The following SIK3 variants were observed in gnomAD, a reference collection of about 807,000 sequenced individuals.
The protein encoded by SIK3 is SIK family kinase 3, also known as serine/threonine-protein kinase SIK3.
Under a neutral mutation model 144.2 loss-of-function variants are expected in SIK3, and 28 were observed. The observed-to-expected ratio is 0.19, with a 90% CI of 0.14 to 0.27. The LOEUF (loss-of-function observed/expected upper bound fraction) is 0.27, where lower values mean the gene tolerates loss of function less well. Ranked by LOEUF, SIK3 falls within the 10% of genes least tolerant of loss-of-function variation. The pLI, the probability that SIK3 is intolerant of heterozygous loss-of-function variation, is 1.00. For synonymous variants in SIK3, 686 were observed against 676.3 expected (o/e 1.01, Z -0.22); for missense variants, 1,319 against 1,776.0 (o/e 0.74, Z 4.62).
chr11:116,863,041 T>C (rs1246575474), intron 16 of SIK3, among the ~76,000 whole-genome samples: 2 of 149,130 alleles, frequency 1.3e-5, no homozygotes, highest in African/African-American at 2.5e-5. Context: ...GCCACTGCAC[T>C]CCAGCCTGGG....
At chr11:116,989,395 A>G (rs966409909) in intron 1 of SIK3, among the ~76,000 whole-genome samples, 2 of 152,190 alleles carry the variant, frequency 1.3e-5, no homozygotes, top group African/African-American at 4.8e-5. Flanking sequence ...CAACCTTGCA[A>G]TTTAGTACTC....
At chr11:116,895,379 CCTT>C (rs556924283) in intron 6 of SIK3, among the ~76,000 whole-genome samples, 91 of 152,286 alleles carry the variant, frequency 6.0e-4, no homozygotes, top group African/African-American at 2.1e-3. Context: ...TATCCTAACT[CCTT>C]CTCTATTTTA....
chr11:117,041,066 G>A (rs372693320), intron 1 of SIK3, among the ~76,000 whole-genome samples: 8 of 147,970 alleles, frequency 5.4e-5, no homozygotes, highest in East Asian at 3.9e-4. Context: ...CCAGAATATC[G>A]TATTTTAAAA....
Position 116,879,390 on chromosome 11 carries a change from C to T in SIK3, c.866-2348G>A, listed in dbSNP as rs1466206921. Among the ~76,000 whole-genome samples the T allele has an allele frequency of 3.3e-5, 5 of 152,236 alleles. No homozygotes were observed. The East Asian group carries it at 9.6e-4, about 29-fold the overall frequency. On this transcript the variant is annotated intron_variant, in intron 6 of 24. Transcript: ENST00000445177. ...CTTAACTTAGAGACTATAATTAGCT[C>T]CACTTATAAATGAAGAAGAAACAAG...
chr11:117,013,904 G>GTA (rs1565556551), intron 1 of SIK3, among the ~76,000 whole-genome samples: 1 of 62,410 alleles, frequency 1.6e-5, no homozygotes, highest in African/African-American at 5.5e-5. Context: ...TTCTGAGGGG[G>GTA]GGGGGGGGAG....
In SIK3 at chr11:116,996,897, C is replaced by T. The variant is rs540788408; in HGVS notation, c.274-39833G>A. On this transcript the variant is annotated intron_variant, in intron 1 of 24. Coordinates refer to ENST00000445177, the MANE Select transcript of SIK3 (RefSeq NM_001366686.3). ...TTATAAAAAGAATAAACAATAGATG[C>T]TATCTAGCTATTCTCAATTAAGTTG... Among the ~76,000 whole-genome samples, 4 of 147,970 alleles carry T rather than the reference C, an allele frequency of 2.7e-5. No individual in the cohort carries two copies. In the South Asian group the frequency reaches 8.9e-4, roughly 33 times the overall value.
intron 1 of SIK3, among the ~76,000 whole-genome samples, chr11:117,064,394 C>G (rs766075411): frequency 6.6e-6 from 1 of 152,114 alleles, no homozygotes; most frequent in African/African-American, 2.4e-5. Flanking sequence ...ACTCCTTTTT[C>G]TTTATTCTTT....
At position 116,919,951 on chromosome 11, in the gene SIK3, T is replaced by C. The variant is rs80201178; in HGVS notation, c.616+7268A>G. Among the ~76,000 whole-genome samples the C allele has an allele frequency of 4.6e-5, 7 of 152,326 alleles. No homozygotes were observed. In the East Asian group the frequency reaches 1.3e-3, roughly 29 times the overall value. On this transcript the variant is annotated intron_variant, in intron 4 of 24. Coordinates refer to ENST00000445177, the MANE Select transcript of SIK3 (RefSeq NM_001366686.3). ...ATCACCCTCATGCGGGATTTTACCA[T>C]TCACAGCCTTTAACTGGCCTTCCTA...
At chr11:116,919,575 C>A (rs921158216) in intron 4 of SIK3, among the ~76,000 whole-genome samples, 2 of 152,138 alleles carry the variant, frequency 1.3e-5, no homozygotes, top group Non-Finnish European at 1.5e-5. Context: ...ATTCTTATAA[C>A]GTCTAAGCAT....
At chr11:117,003,887 T>C (rs947700145) in intron 1 of SIK3, among the ~76,000 whole-genome samples, 9 of 152,180 alleles carry the variant, frequency 5.9e-5, no homozygotes, top group Non-Finnish European at 2.9e-5. Context: ...TTGCTGAACA[T>C]TATACTTTAA....
chr11:116,861,349 G>A lies in SIK3; in HGVS notation c.2350C>T (p.His784Tyr), dbSNP rs765413557. 1.3e-6 allele frequency: 2 copies of A among 1,595,754 alleles called. No homozygotes were observed. Among genetic ancestry groups the A allele is most frequent in the Non-Finnish European group, 1.7e-6 (2 of 1,174,558 alleles). Residue 784 changes from histidine (H) to tyrosine (Y), a missense_variant, in exon 19 of 25, where the codon CAC becomes TAC. Physicochemically the swap from His to Tyr is moderately conservative, Grantham distance 83 (BLOSUM62 2). Coordinates refer to ENST00000445177, the MANE Select transcript of SIK3 (RefSeq NM_001366686.3). ...RIQPSSPPPNHPNNHLFRQPS... is the reference protein window; with the variant it reads ...RIQPSSPPPNYPNNHLFRQPS... Reference sequence around the variant, plus strand: ...TGCCTGAAGAGATGGTTGTTGGGGTGGTTGGGGGGTGGGCTTGAAGGCTGA... The same window carrying A: ...TGCCTGAAGAGATGGTTGTTGGGGTAGTTGGGGGGTGGGCTTGAAGGCTGA...
Position 116,862,402 on chromosome 11 carries a change from C to G in SIK3, c.2104-75G>C, listed in dbSNP as rs1239553616. On this transcript the variant is annotated intron_variant, in intron 16 of 24. Coordinates refer to ENST00000445177, the MANE Select transcript of SIK3 (RefSeq NM_001366686.3). Reference sequence around the variant, plus strand: ...TGCAGTGATTTCAGCAGATGCAGATCTGCCTCCAAGCTCTCATGGGCAGAA... The same window carrying G: ...TGCAGTGATTTCAGCAGATGCAGATGTGCCTCCAAGCTCTCATGGGCAGAA... The G allele has an allele frequency of 3.8e-6, 6 of 1,597,190 alleles. No homozygotes were observed. In the East Asian group the frequency reaches 1.3e-4, roughly 36 times the overall value.
intron 22 of SIK3, among the ~76,000 whole-genome samples, 174 bp downstream of exon 22, chr11:116,848,946 G>C (rs1301700670): frequency 1.3e-5 from 2 of 152,182 alleles, no homozygotes; most frequent in Non-Finnish European, 2.9e-5. Context: ...CTGGGCGACA[G>C]AGTGAGACTC....
chr11:116,977,333 A>C (rs937427384), intron 1 of SIK3, among the ~76,000 whole-genome samples: 1 of 148,342 alleles, frequency 6.7e-6, no homozygotes, highest in Non-Finnish European at 1.5e-5. Flanking sequence ...CTCCCTCCTC[A>C]GTCCCACAAA....
At chr11:117,034,136 TAAC>T (rs1400218923) in intron 1 of SIK3, among the ~76,000 whole-genome samples, 1 of 152,178 alleles carries the variant, frequency 6.6e-6, no homozygotes, top group Non-Finnish European at 1.5e-5. Context: ...AACTTAAATC[TAAC>T]AACAAAAATA....
intron 6 of SIK3, among the ~76,000 whole-genome samples, chr11:116,894,280 A>G (rs572330763): frequency 6.6e-6 from 1 of 152,320 alleles, no homozygotes; most frequent in African/African-American, 2.4e-5. Flanking sequence ...CTGCCTAAAA[A>G]GTGAGCTCAC....
At chr11:116,883,443 C>T (rs1038840105) in intron 6 of SIK3, among the ~76,000 whole-genome samples, 1 of 152,128 alleles carries the variant, frequency 6.6e-6, no homozygotes, top group African/African-American at 2.4e-5. Flanking sequence ...GTGTTTTCTG[C>T]CAAGATACCT....
At chr11:116,912,368 A>G (rs1946393604) in intron 4 of SIK3, among the ~76,000 whole-genome samples, 1 of 152,198 alleles carries the variant, frequency 6.6e-6, no homozygotes, top group Admixed American at 6.5e-5. Context: ...AAAGAGCAAA[A>G]CGGGCGGCAT....
chr11:116,973,604 G>T (rs533126480), intron 1 of SIK3, among the ~76,000 whole-genome samples: 1 of 152,262 alleles, frequency 6.6e-6, no homozygotes, highest in Non-Finnish European at 1.5e-5. Flanking sequence ...TTATGAAAGG[G>T]GGGGAAAGAA....
Sources: allele counts gnomAD v4.1 joint callset (sites outside exome capture counted in the v4.1 genomes callset), GRCh38; gene constraint gnomAD v4.1.1; transcripts MANE v1.5; gene names NCBI Gene and HGNC (gene_info 2026-07-23, HGNC 2026-07-21).